The following NCOA3 variants were observed in gnomAD, a reference collection of about 807,000 sequenced individuals.
NCOA3 encodes CBP-interacting protein.
Under a neutral mutation model 158.8 loss-of-function variants are expected in NCOA3, and 51 were observed. The ratio of observed to expected loss-of-function variants is 0.32; its 90% CI spans 0.26 to 0.41. NCOA3 has a LOEUF of 0.41. Among genes scored for constraint, NCOA3 ranks in the 10% least tolerant of loss-of-function variants. The probability of loss-of-function intolerance (pLI) is 1.00; values close to 1 mark genes in which losing one functional copy is unlikely to be tolerated. For missense variants in NCOA3, 1,510 were observed against 1,746.6 expected (o/e 0.86, Z 2.41); for synonymous variants, 537 against 592.4 (o/e 0.91, Z 1.36).
chr20:47,504,463 A>G (rs1325322456), intron 1 of NCOA3, among the ~76,000 whole-genome samples: 1 of 150,756 alleles, frequency 6.6e-6, no homozygotes, highest in Non-Finnish European at 1.5e-5. Context: ...CATTAAAGAT[A>G]AAAGCTAAGT....
At chr20:47,582,176 A>G (rs953840180) in intron 1 of NCOA3, among the ~76,000 whole-genome samples, 1 of 151,880 alleles carries the variant, frequency 6.6e-6, no homozygotes, top group African/African-American at 2.4e-5. Flanking sequence ...CATATTATAT[A>G]TGCTATGCCT....
At chr20:47,540,524 A>ACC (rs2084706369) in intron 1 of NCOA3, among the ~76,000 whole-genome samples, 1 of 151,074 alleles carries the variant, frequency 6.6e-6, no homozygotes, top group Non-Finnish European at 1.5e-5. Context: ...GTGAGCTGAG[A>ACC]CCGCAGGATT....
intron 2 of NCOA3, among the ~76,000 whole-genome samples, chr20:47,590,376 A>G (rs2085609721): frequency 6.6e-6 from 1 of 152,140 alleles, no homozygotes; most frequent in Non-Finnish European, 1.5e-5. Context: ...CCTGGAGTGC[A>G]GTGGTATGAT....
Position 47,635,887 on chromosome 20 carries a change from TCAG to T in NCOA3, c.1505-3_1505-1del. On this transcript the variant is annotated splice_acceptor_variant and splice_polypyrimidine_tract_variant and intron_variant, in intron 11 of 22. Transcript: ENST00000371998. LOFTEE classifies it high-confidence loss of function. The stretch of plus-strand genomic sequence containing the variant: ...TCTTTTCCTAAATTTTTTTTCAAAT[TCAG>T]GTGTGCACTCTCCCATGGCATCTTC... 1 of 1,583,798 alleles carries T rather than the reference TCAG, an allele frequency of 6.3e-7. No homozygotes were observed. The highest frequency in any genetic ancestry group is 1.4e-5 in the African/African-American group (1 of 73,234).
intron 1 of NCOA3, among the ~76,000 whole-genome samples, chr20:47,540,256 G>A (rs1026642217): frequency 3.3e-5 from 5 of 152,118 alleles, no homozygotes; most frequent in Admixed American, 2.6e-4. Context: ...CTTTGAAATG[G>A]ATTTTTCCTA....
chr20:47,633,581 A>AT lies in NCOA3; in HGVS notation c.915dup (p.Ser306Ter). The stretch of plus-strand genomic sequence containing the variant: ...ATATAATCCGAAGGTGTATTCAGAG[A>AT]TTTTTTAGTCTAAATGATGGGCAGT... On this transcript the variant is annotated frameshift_variant, in exon 9 of 23. Transcript: ENST00000371998. LOFTEE classifies it high-confidence loss of function. 1 of 1,613,996 alleles carries AT rather than the reference A, an allele frequency of 6.2e-7. No individual in the cohort carries two copies. The highest frequency in any genetic ancestry group is 8.5e-7 in the Non-Finnish European group (1 of 1,179,936).
In NCOA3 at chr20:47,549,569, A is replaced by G. The variant is rs1193183743; in HGVS notation, c.-98-33614A>G. The stretch of plus-strand genomic sequence containing the variant: ...AGCGAAGACTCTGTCTCAAAAAAAA[A>G]AAAAAAAAAAAAGTCTTCTGTATTT... On this transcript the variant is annotated intron_variant, in intron 1 of 22. Transcript: ENST00000371998. Among the ~76,000 whole-genome samples the G allele has an allele frequency of 9.2e-5, 14 of 151,852 alleles. No homozygotes were observed. In the East Asian group the frequency reaches 2.5e-3, roughly 27 times the overall value.
intron 2 of NCOA3, among the ~76,000 whole-genome samples, chr20:47,612,878 G>C (rs2086066935): frequency 1.3e-5 from 2 of 152,166 alleles, no homozygotes; most frequent in Admixed American, 1.3e-4. Context: ...CAACTCTGTT[G>C]CTCATGTAGA....
At chr20:47,526,133 G>A (rs1188762337) in intron 1 of NCOA3, among the ~76,000 whole-genome samples, 10 of 150,180 alleles carry the variant, frequency 6.7e-5, no homozygotes, top group Non-Finnish European at 1.2e-4. Context: ...GGGCGGCAGG[G>A]CAGAGGTGCT....
chr20:47,519,461 G>C (rs543178120), intron 1 of NCOA3, among the ~76,000 whole-genome samples: 1 of 152,088 alleles, frequency 6.6e-6, no homozygotes, highest in African/African-American at 2.4e-5. Context: ...TTTAGTTTTG[G>C]TGTTCTGGTA....
At chr20:47,507,865 C>T (rs771050109) in intron 1 of NCOA3, among the ~76,000 whole-genome samples, 19 of 152,044 alleles carry the variant, frequency 1.2e-4, no homozygotes, top group Non-Finnish European at 2.2e-4. Context: ...GTGATCTGCC[C>T]GCGTCGGCCT....
chr20:47,640,130 G>A (rs540061088), intron 16 of NCOA3, 79 bp downstream of exon 16: 11 of 1,574,852 alleles, frequency 7.0e-6, no homozygotes, highest in South Asian at 4.5e-5. Flanking sequence ...AGAAGCAAAC[G>A]TGAAAGAGAA....
At chr20:47,524,347 A>G (rs2084392521) in intron 1 of NCOA3, among the ~76,000 whole-genome samples, 1 of 152,238 alleles carries the variant, frequency 6.6e-6, no homozygotes, top group Non-Finnish European at 1.5e-5. Flanking sequence ...GACCGAGGAT[A>G]GAAAGAGAAA....
intron 1 of NCOA3, among the ~76,000 whole-genome samples, chr20:47,541,572 G>A (rs2146130517): frequency 6.7e-6 from 1 of 148,936 alleles, no homozygotes; most frequent in South Asian, 2.2e-4. Flanking sequence ...TAGAGATGGG[G>A]CCTTTCTATG....
intron 1 of NCOA3, among the ~76,000 whole-genome samples, chr20:47,577,130 CGTT>C (rs1353762691): frequency 3.3e-5 from 5 of 152,138 alleles, no homozygotes; most frequent in Non-Finnish European, 5.9e-5. Flanking sequence ...TGGATAGTAT[CGTT>C]GTATAAGCAA....
In NCOA3 at chr20:47,639,874, G is replaced by T; in HGVS notation, c.2954-51G>T. 3.1e-6 allele frequency: 5 copies of T among 1,612,876 alleles called. No homozygotes were observed. In the South Asian group the frequency reaches 4.4e-5, roughly 14 times the overall value. On this transcript the variant is annotated intron_variant, in intron 15 of 22. Coordinates refer to ENST00000371998, the MANE Select transcript of NCOA3 (RefSeq NM_181659.3). ...GAAAAAAGAAAGTTAGATGTTTCAGGATAATTTTTGCTCTTATTTGAGAAT... is the reference window on the plus strand; with the variant it reads ...GAAAAAAGAAAGTTAGATGTTTCAGTATAATTTTTGCTCTTATTTGAGAAT...
chr20:47,547,404 A>ATAT (rs200074877), intron 1 of NCOA3, among the ~76,000 whole-genome samples: 10,380 of 146,544 alleles, frequency 0.071, 439 homozygotes, highest in Non-Finnish European at 0.097. Flanking sequence ...TTTTATTTTT[A>ATAT]TATTATTATT....
intron 8 of NCOA3, among the ~76,000 whole-genome samples, chr20:47,632,580 G>T (rs1333716932): frequency 2.0e-5 from 3 of 151,810 alleles, no homozygotes; most frequent in African/African-American, 7.3e-5. Context: ...TAGAGATGGG[G>T]TTTCACCATG....
intron 1 of NCOA3, among the ~76,000 whole-genome samples, chr20:47,582,504 C>T (rs189979176): frequency 1.2e-3 from 183 of 152,286 alleles, no homozygotes; most frequent in Non-Finnish European, 2.2e-3. Context: ...TGAGCCACTG[C>T]GCCTGGCCCT....
Sources: gnomAD v4.1 joint callset for allele counts (sites outside exome capture counted in the v4.1 genomes callset) on GRCh38, gnomAD v4.1.1 for gene constraint, MANE v1.5 for transcripts, NCBI Gene and HGNC (gene_info 2026-07-23, HGNC 2026-07-21) for gene names.